Variants in CPE observed in about 807,000 individuals in gnomAD.
CPE encodes the protein carboxypeptidase E.
CPE carries 17 observed loss-of-function variants against 53.5 expected under a neutral mutation model. The ratio of observed to expected loss-of-function variants is 0.32; its 90% CI spans 0.22 to 0.48. CPE has a LOEUF of 0.48. Ranked by LOEUF, CPE falls within the 20% of genes least tolerant of loss-of-function variation. The pLI is 0.99. For synonymous variants in CPE, 226 were observed against 228.8 expected, an observed-to-expected ratio of 0.99 and a Z score of 0.11; for missense variants, 524 against 614.7, an observed-to-expected ratio of 0.85 and a Z score of 1.56.
intron 1 of CPE, among the ~76,000 whole-genome samples, chr4:165,425,000 G>A (rs1731294984): frequency 1.3e-5 from 2 of 151,548 alleles, no homozygotes; most frequent in Admixed American, 1.3e-4. Flanking sequence ...TCAGGAGAGA[G>A]TAATCCCAGA....
intron 1 of CPE, among the ~76,000 whole-genome samples, chr4:165,451,931 GT>G (rs796524665): frequency 7.0e-5 from 10 of 143,086 alleles, no homozygotes; most frequent in Non-Finnish European, 1.4e-4. Flanking sequence ...CCCAACCCCC[GT>G]TTTTTTTTTC....
At chr4:165,387,741 G>A (rs1324289538) in intron 1 of CPE, among the ~76,000 whole-genome samples, 1 of 152,134 alleles carries the variant, frequency 6.6e-6, no homozygotes, top group Non-Finnish European at 1.5e-5. Context: ...CCTGGGAGGC[G>A]GAGGTTGTGG....
At chr4:165,452,203 A>G (rs115353668) in intron 1 of CPE, among the ~76,000 whole-genome samples, 1 of 152,330 alleles carries the variant, frequency 6.6e-6, no homozygotes, top group African/African-American at 2.4e-5. Flanking sequence ...GTTAGCTAGA[A>G]GAAATAAGTT....
intron 1 of CPE, among the ~76,000 whole-genome samples, chr4:165,453,959 C>T (rs1210509351): frequency 6.9e-6 from 1 of 144,750 alleles, no homozygotes; most frequent in Non-Finnish European, 1.5e-5. Flanking sequence ...GCATTTGATG[C>T]CTTCACAAAA....
In CPE at chr4:165,493,200, A is replaced by G. The variant is rs775247571; in HGVS notation, c.1143A>G (p.Arg381=). 2.5e-6 allele frequency: 4 copies of G among 1,614,086 alleles called. No individual in the cohort carries two copies. The South Asian group carries it at 4.4e-5, about 18-fold the overall frequency. ...QIHRGVKGFV[R]DLQGNPIANA... is the part of the protein sequence containing the mutation. ...ACCGAGGAGTTAAAGGATTTGTCCG[A>G]GACCTTCAAGGTAACCCAATTGCGA... is the stretch of plus-strand genomic sequence containing the variant. The change falls in exon 7 of 9, where the codon CGA becomes CGG. Residue 381 remains arginine (R), a synonymous_variant. Coordinates refer to ENST00000402744, the MANE Select transcript of CPE (RefSeq NM_001873.4).
intron 1 of CPE, among the ~76,000 whole-genome samples, chr4:165,427,841 G>A (rs11724900): frequency 0.3 from 44,978 of 151,988 alleles, 6,748 homozygotes; most frequent in Middle Eastern, 0.39. Context: ...GCACCCATAC[G>A]TTGCACATTT....
intron 1 of CPE, among the ~76,000 whole-genome samples, chr4:165,454,145 T>G (rs1731860590): frequency 6.6e-6 from 1 of 152,172 alleles, no homozygotes; most frequent in Admixed American, 6.5e-5. Context: ...AAGCCTCTCA[T>G]ATGCCAGTAC....
intron 1 of CPE, among the ~76,000 whole-genome samples, chr4:165,388,744 T>G (rs28638775): frequency 6.8e-6 from 1 of 146,886 alleles, no homozygotes; most frequent in African/African-American, 2.6e-5. Context: ...TAAAGACATT[T>G]GCAAAATGAA....
At chr4:165,485,627 T>A (rs34277405) in intron 5 of CPE, among the ~76,000 whole-genome samples, 34,041 of 152,230 alleles carry the variant, frequency 0.22, 4,335 homozygotes, top group Non-Finnish European at 0.29. Context: ...TTAGTTTTTA[T>A]AAAAACTTTA....
chr4:165,493,391 T>C (rs41280513), intron 7 of CPE, 121 bp downstream of exon 7: 6 of 701,842 alleles, frequency 8.5e-6, no homozygotes, highest in Non-Finnish European at 1.4e-5. Context: ...CTACAGCGTT[T>C]CTCAGCTTTG....
chr4:165,451,282 C>T (rs745525746), intron 1 of CPE, among the ~76,000 whole-genome samples: 13 of 152,226 alleles, frequency 8.5e-5, no homozygotes, highest in African/African-American at 1.2e-4. Flanking sequence ...ATCCCAGGGA[C>T]GCCTGATATT....
At chr4:165,484,312 A>T (rs1732465945) in intron 4 of CPE, 110 bp from the exon 5 acceptor site, 1 of 1,012,800 alleles carries the variant, frequency 9.9e-7, no homozygotes, top group East Asian at 2.6e-5. Context: ...TTATGTAGCT[A>T]AAAAAATACA....
At chr4:165,421,598 G>A (rs772369412) in intron 1 of CPE, among the ~76,000 whole-genome samples, 4 of 152,128 alleles carry the variant, frequency 2.6e-5, no homozygotes, top group Non-Finnish European at 4.4e-5. Context: ...AAGTTTCCTT[G>A]CCACCTTCAC....
intron 1 of CPE, among the ~76,000 whole-genome samples, chr4:165,408,657 C>T (rs1730989895): frequency 1.3e-5 from 2 of 152,196 alleles, no homozygotes; most frequent in Non-Finnish European, 2.9e-5. Flanking sequence ...ACACTGGTTG[C>T]TGGGGTCCCA....
At chr4:165,397,981 G>A (rs1240525987) in intron 1 of CPE, among the ~76,000 whole-genome samples, 2 of 148,412 alleles carry the variant, frequency 1.3e-5, no homozygotes, top group Admixed American at 1.3e-4. Flanking sequence ...GAGCCCAGGA[G>A]TTGGAGGCTG....
chr4:165,465,386 A>G (rs1732079269), intron 2 of CPE, among the ~76,000 whole-genome samples: 2 of 152,064 alleles, frequency 1.3e-5, no homozygotes, highest in Non-Finnish European at 2.9e-5. Flanking sequence ...TACGATTTCT[A>G]AAGTTATGAG....
intron 1 of CPE, among the ~76,000 whole-genome samples, chr4:165,417,315 C>T (rs72703616): frequency 0.24 from 36,568 of 151,990 alleles, 5,042 homozygotes; most frequent in East Asian, 0.37. Context: ...ATATAATTCC[C>T]TTGGTATTAT....
At chr4:165,381,172 G>A (rs1579235380) in intron 1 of CPE, 1 of 409,040 alleles carries the variant, frequency 2.4e-6, no homozygotes, top group East Asian at 7.4e-5. Flanking sequence ...AAATTTTAAA[G>A]TGATATTACA....
intron 1 of CPE, among the ~76,000 whole-genome samples, chr4:165,423,279 G>A (rs1731257732): frequency 6.6e-6 from 1 of 152,166 alleles, no homozygotes; most frequent in African/African-American, 2.4e-5. Context: ...TTTGCCCTAA[G>A]CAGTTTCCAG....
Sources: allele counts gnomAD v4.1 joint callset (sites outside exome capture counted in the v4.1 genomes callset), GRCh38; gene constraint gnomAD v4.1.1; transcripts MANE v1.5; gene names NCBI Gene and HGNC (gene_info 2026-07-23, HGNC 2026-07-21).